Variants in STK32A observed in about 807,000 individuals in gnomAD.
The protein encoded by STK32A is serine/threonine kinase 32A, also known as serine/threonine-protein kinase 32A.
Under a neutral mutation model 53.2 loss-of-function variants are expected in STK32A, and 41 were observed. That is an observed-to-expected ratio of 0.77 (90% CI 0.60 to 1.00). STK32A has a LOEUF of 1.00. Ranked by LOEUF, STK32A falls within the 50% of genes least tolerant of loss-of-function variation. The pLI, the probability that STK32A is intolerant of heterozygous loss-of-function variation, is 0.00. For synonymous variants in STK32A, 166 were observed against 162.8 expected, an observed-to-expected ratio of 1.02 and a Z score of -0.15; for missense variants, 458 against 485.8, an observed-to-expected ratio of 0.94 and a Z score of 0.54.
intron 9 of STK32A, 40 bp from the exon 10 acceptor site, chr5:147,373,129 A>G (rs1449318842): frequency 3.7e-6 from 6 of 1,605,310 alleles, no homozygotes; most frequent in South Asian, 1.1e-5. Flanking sequence ...TTGTCCTTCT[A>G]TCCTTTCTTA....
chr5:147,261,121 C>T (rs34047526), intron 2 of STK32A, among the ~76,000 whole-genome samples: 35,460 of 151,988 alleles, frequency 0.23, 4,639 homozygotes, highest in Admixed American at 0.33. Context: ...CACAAGGGGA[C>T]GGGGTGCACC....
At chr5:147,288,448 T>C (rs193268487) in intron 4 of STK32A, among the ~76,000 whole-genome samples, 1 of 152,318 alleles carries the variant, frequency 6.6e-6, no homozygotes, top group East Asian at 1.9e-4. Context: ...CACATTGCTA[T>C]AAAGAAATAC....
At chr5:147,269,948 G>C (rs780857300) in intron 2 of STK32A, among the ~76,000 whole-genome samples, 5 of 152,128 alleles carry the variant, frequency 3.3e-5, no homozygotes, top group Non-Finnish European at 7.3e-5. Flanking sequence ...GACTTTTTGG[G>C]AACTTAGGAA....
chr5:147,376,461 A>G (rs180946161), intron 11 of STK32A, among the ~76,000 whole-genome samples: 1 of 152,316 alleles, frequency 6.6e-6, no homozygotes, highest in Non-Finnish European at 1.5e-5. Flanking sequence ...GGCCTCTCTG[A>G]TAACAGGACC....
intron 6 of STK32A, among the ~76,000 whole-genome samples, chr5:147,346,740 T>A (rs1329428701): frequency 6.6e-6 from 1 of 152,202 alleles, no homozygotes; most frequent in Non-Finnish European, 1.5e-5. Context: ...CCATAGTGTC[T>A]AAAATTCTTG....
chr5:147,314,746 T>C (rs1405280897), intron 4 of STK32A, among the ~76,000 whole-genome samples: 1 of 150,210 alleles, frequency 6.7e-6, no homozygotes, highest in Non-Finnish European at 1.5e-5. Flanking sequence ...TTTTCTTTTT[T>C]TTTTTTTTTG....
the STK32A span, among the ~76,000 whole-genome samples, chr5:147,399,933 G>A: frequency 2.0e-5 from 3 of 152,130 alleles, no homozygotes; most frequent in African/African-American, 4.8e-5. Context: ...GCCTCTTTAC[G>A]GAAAGAATTG....
At chr5:147,265,203 G>T (rs1561679440) in intron 2 of STK32A, among the ~76,000 whole-genome samples, 1 of 150,754 alleles carries the variant, frequency 6.6e-6, no homozygotes, top group Non-Finnish European at 1.5e-5. Flanking sequence ...AGAAAAGTCA[G>T]ATAAATTTCC....
chr5:147,235,742 T>C (rs1753284483), intron 1 of STK32A, among the ~76,000 whole-genome samples: 1 of 152,216 alleles, frequency 6.6e-6, no homozygotes, highest in African/African-American at 2.4e-5. Context: ...GTCATGTTTG[T>C]AAAATCATAG....
At chr5:147,396,522 G>A in the STK32A span, among the ~76,000 whole-genome samples, 3 of 152,180 alleles carry the variant, frequency 2.0e-5, no homozygotes, top group East Asian at 1.9e-4. Context: ...GAGCCTGACC[G>A]TGCAGGATGG....
intron 5 of STK32A, among the ~76,000 whole-genome samples, chr5:147,329,449 G>A (rs1717846848): frequency 6.6e-6 from 1 of 152,204 alleles, no homozygotes; most frequent in South Asian, 2.1e-4. Context: ...TGTTCTGAAT[G>A]CCAGGCTCCC....
intron 8 of STK32A, among the ~76,000 whole-genome samples, chr5:147,369,701 T>C (rs1756922539): frequency 6.6e-6 from 1 of 152,208 alleles, no homozygotes; most frequent in African/African-American, 2.4e-5. Flanking sequence ...AACAGTCATT[T>C]ATTAAATATC....
intron 10 of STK32A, 141 bp from the exon 11 acceptor site, chr5:147,374,949 C>T (rs1429474227): frequency 1.3e-5 from 8 of 605,490 alleles, no homozygotes; most frequent in South Asian, 6.7e-5. Context: ...CAATAAATAA[C>T]GTAAAACTTA....
the STK32A span, among the ~76,000 whole-genome samples, chr5:147,399,734 T>C: frequency 6.6e-6 from 1 of 152,260 alleles, no homozygotes. Flanking sequence ...TGTGCTTGTC[T>C]GTAGTTTCCA....
At chr5:147,273,009 T>C (rs1226965623) in intron 2 of STK32A, among the ~76,000 whole-genome samples, 1 of 152,218 alleles carries the variant, frequency 6.6e-6, no homozygotes, top group African/African-American at 2.4e-5. Flanking sequence ...AAATAAAATC[T>C]TTTGCAAAGA....
intron 2 of STK32A, among the ~76,000 whole-genome samples, chr5:147,260,466 A>G (rs1754508014): frequency 6.6e-6 from 1 of 151,990 alleles, no homozygotes; most frequent in South Asian, 2.1e-4. Flanking sequence ...CCCCAAGAAG[A>G]AAGGGGGGGT....
chr5:147,265,703 C>T (rs532228340), intron 2 of STK32A, among the ~76,000 whole-genome samples: 1 of 152,118 alleles, frequency 6.6e-6, no homozygotes, highest in Non-Finnish European at 1.5e-5. Flanking sequence ...TACACAGATA[C>T]TCAATGAATG....
At chr5:147,360,335 C>G (rs1756441516) in intron 7 of STK32A, among the ~76,000 whole-genome samples, 1 of 150,958 alleles carries the variant, frequency 6.6e-6, no homozygotes, top group South Asian at 2.1e-4. Context: ...CCTGTAGTCC[C>G]AGCTACTTGG....
intron 2 of STK32A, among the ~76,000 whole-genome samples, chr5:147,259,827 G>A (rs1047995339): frequency 2.8e-5 from 3 of 108,590 alleles, no homozygotes; most frequent in Non-Finnish European, 3.7e-5. Context: ...TCTCTCTCTT[G>A]TTTCTCTCTC....
Sources: allele counts gnomAD v4.1 joint callset (sites outside exome capture counted in the v4.1 genomes callset), GRCh38; gene constraint gnomAD v4.1.1; transcripts MANE v1.5; gene names NCBI Gene and HGNC (gene_info 2026-07-23, HGNC 2026-07-21).